The following RGS9 variants were observed in gnomAD, a reference collection of about 807,000 sequenced individuals.
RGS9 encodes regulator of G protein signaling 9.
A neutral mutation model predicts 102.0 loss-of-function variants in RGS9; 78 were observed. That is an observed-to-expected ratio of 0.76 (90% CI 0.64 to 0.92). The LOEUF is 0.92. RGS9 is among the 40% of genes least tolerant of loss of function. RGS9 has a pLI of 0.00. For missense variants in RGS9, 833 were observed against 866.1 expected, an observed-to-expected ratio of 0.96 and a Z score of 0.48; for synonymous variants, 353 against 318.6, an observed-to-expected ratio of 1.11 and a Z score of -1.15.
intron 16 of RGS9, 59 bp downstream of exon 16, chr17:65,208,066 G>C: frequency 8.3e-7 from 1 of 1,204,568 alleles, no homozygotes; most frequent in Non-Finnish European, 1.2e-6. Flanking sequence ...GAGAAGTGAG[G>C]GTCTCTTTCA....
At chr17:65,169,150 T>A (rs1443011393) in intron 8 of RGS9, among the ~76,000 whole-genome samples, 4 of 151,952 alleles carry the variant, frequency 2.6e-5, no homozygotes, top group African/African-American at 7.3e-5. Context: ...GGTGTCAGAG[T>A]TTATGGATTT....
At chr17:65,162,690 C>T (rs879730711) in intron 6 of RGS9, among the ~76,000 whole-genome samples, 1 of 151,428 alleles carries the variant, frequency 6.6e-6, no homozygotes, top group Non-Finnish European at 1.5e-5. Flanking sequence ...ATGATGGTCT[C>T]GATCTCCTGA....
At chr17:65,221,946 A>G (rs1913718434) in intron 17 of RGS9, among the ~76,000 whole-genome samples, 1 of 152,192 alleles carries the variant, frequency 6.6e-6, no homozygotes, top group Non-Finnish European at 1.5e-5. Flanking sequence ...CCTTCAACAT[A>G]TACATTTTGT....
In RGS9 at chr17:65,158,315, A is replaced by G. The variant is rs763282495; in HGVS notation, c.175A>G (p.Ile59Val). Residue 59 changes from isoleucine (I) to valine (V), a missense_variant, in exon 3 of 19, where the codon ATC becomes GTC. Coordinates refer to ENST00000262406, the MANE Select transcript of RGS9 (RefSeq NM_003835.4). ...TTCAGGAAGTGATGTTCTGCAATGG[A>G]TCGTCCAGCGGCTTTGGATCTCCAG... ...AMTGSDVLQWIVQRLWISSLE... is the reference protein window; with the variant it reads ...AMTGSDVLQWVVQRLWISSLE... 3.0e-5 allele frequency: 49 copies of G among 1,614,146 alleles called. No individual in the cohort carries two copies. Among genetic ancestry groups the G allele is most frequent in the Non-Finnish European group, 4.1e-5 (48 of 1,180,018 alleles).
At chr17:65,165,534 T>C (rs1471643731) in intron 7 of RGS9, among the ~76,000 whole-genome samples, 1 of 152,218 alleles carries the variant, frequency 6.6e-6, no homozygotes, top group Non-Finnish European at 1.5e-5. Flanking sequence ...CCCAGACAGC[T>C]ACTCAAGATC....
intron 1 of RGS9, among the ~76,000 whole-genome samples, chr17:65,142,167 C>T (rs985651815): frequency 3.3e-5 from 5 of 152,158 alleles, no homozygotes; most frequent in Non-Finnish European, 5.9e-5. Context: ...TTGCTTGAAC[C>T]CAGGAGGCGG....
chr17:65,137,967 T>A (rs1345620863), intron 1 of RGS9, among the ~76,000 whole-genome samples: 1 of 152,128 alleles, frequency 6.6e-6, no homozygotes, highest in African/African-American at 2.4e-5. Flanking sequence ...GATCCCAAAC[T>A]GCACTATTTT....
At chr17:65,212,892 C>T (rs1041699257) in intron 17 of RGS9, among the ~76,000 whole-genome samples, 1 of 152,170 alleles carries the variant, frequency 6.6e-6, no homozygotes, top group Non-Finnish European at 1.5e-5. Flanking sequence ...GTATTTATCT[C>T]ATTCATTACT....
chr17:65,215,546 T>TTC (rs1478824196), intron 17 of RGS9, among the ~76,000 whole-genome samples: 172 of 135,548 alleles, frequency 1.3e-3, no homozygotes, highest in African/African-American at 5.0e-3. Flanking sequence ...CTTTCTTTCT[T>TTC]TTTTTTTGTT....
Position 65,217,603 on chromosome 17 carries a change from A to C in RGS9, c.1407+6998A>C, listed in dbSNP as rs367924107. ...GTGTGTGTAGATTACCATTTCAAGTAGTTTGGGAGGAAGGCGAGAGATATA... is the reference window on the plus strand; with the variant it reads ...GTGTGTGTAGATTACCATTTCAAGTCGTTTGGGAGGAAGGCGAGAGATATA... On this transcript the variant is annotated intron_variant, in intron 17 of 18. Coordinates refer to ENST00000262406, the MANE Select transcript of RGS9 (RefSeq NM_003835.4). Among the ~76,000 whole-genome samples the C allele has an allele frequency of 1.5e-3, 235 of 152,012 alleles. 1 individual carries two copies. The highest frequency in any genetic ancestry group is 5.3e-3 in the African/African-American group (218 of 41,462).
At chr17:65,190,313 A>G in intron 11 of RGS9, 77 bp downstream of exon 11, 1 of 1,133,286 alleles carries the variant, frequency 8.8e-7, no homozygotes, top group Non-Finnish European at 1.3e-6. Flanking sequence ...AAACTCGACA[A>G]GTCCTGGGCT....
chr17:65,194,350 G>A (rs1485786119), intron 12 of RGS9, among the ~76,000 whole-genome samples: 1 of 152,152 alleles, frequency 6.6e-6, no homozygotes, highest in East Asian at 1.9e-4. Flanking sequence ...TGAAGAATGC[G>A]GCTATGAACA....
chr17:65,200,837 G>A (rs1209254209), intron 13 of RGS9, among the ~76,000 whole-genome samples: 1 of 151,904 alleles, frequency 6.6e-6, no homozygotes, highest in African/African-American at 2.4e-5. Flanking sequence ...GCATAGCCTA[G>A]AAATAGAAAA....
chr17:65,213,872 C>G (rs546063040), intron 17 of RGS9, among the ~76,000 whole-genome samples: 25 of 152,298 alleles, frequency 1.6e-4, no homozygotes, highest in African/African-American at 5.8e-4. Context: ...ACATGAGCGT[C>G]TCAACACTAT....
chr17:65,222,941 G>A (rs544639261), intron 17 of RGS9, among the ~76,000 whole-genome samples: 1 of 152,140 alleles, frequency 6.6e-6, no homozygotes, highest in African/African-American at 2.4e-5. Flanking sequence ...TCCCGCGAGC[G>A]ATGACTGCGC....
intron 9 of RGS9, among the ~76,000 whole-genome samples, chr17:65,178,578 A>G (rs1911736817): frequency 6.6e-6 from 1 of 151,998 alleles, no homozygotes; most frequent in Admixed American, 6.6e-5. Context: ...CTCATAGCTC[A>G]CTGCAGCCTT....
intron 2 of RGS9, among the ~76,000 whole-genome samples, chr17:65,154,354 T>C (rs1278661516): frequency 6.6e-6 from 1 of 152,162 alleles, no homozygotes; most frequent in African/African-American, 2.4e-5. Context: ...GTACATTTGC[T>C]GACTCCTGGA....
chr17:65,216,162 T>A (rs896170314), intron 17 of RGS9, among the ~76,000 whole-genome samples: 2 of 152,244 alleles, frequency 1.3e-5, no homozygotes, highest in Non-Finnish European at 2.9e-5. Context: ...AATACTATAA[T>A]ACTATATGAT....
intron 1 of RGS9, among the ~76,000 whole-genome samples, chr17:65,144,788 T>C (rs1910290473): frequency 6.6e-6 from 1 of 152,178 alleles, no homozygotes; most frequent in Non-Finnish European, 1.5e-5. Context: ...ATGTTTCTGA[T>C]TGAATATAGG....
Sources: gnomAD v4.1 joint callset for allele counts (sites outside exome capture counted in the v4.1 genomes callset) on GRCh38, gnomAD v4.1.1 for gene constraint, MANE v1.5 for transcripts, NCBI Gene and HGNC (gene_info 2026-07-23, HGNC 2026-07-21) for gene names.